The following NYAP2 variants were observed in gnomAD, a reference collection of about 807,000 sequenced individuals.
NYAP2 encodes neuronal tyrosine-phosphorylated phosphoinositide-3-kinase adapter 2.
NYAP2 carries 23 observed loss-of-function variants against 50.4 expected under a neutral mutation model. The observed-to-expected ratio is 0.46, with a 90% CI of 0.33 to 0.65. The LOEUF (loss-of-function observed/expected upper bound fraction) is 0.65, where lower values mean the gene tolerates loss of function less well. Ranked by LOEUF, NYAP2 falls within the 30% of genes least tolerant of loss-of-function variation. NYAP2 has a pLI of 0.02. For synonymous variants in NYAP2, 394 were observed against 365.2 expected (o/e 1.08, Z -0.90); for missense variants, 885 against 861.0 (o/e 1.03, Z -0.35).
intron 5 of NYAP2, among the ~76,000 whole-genome samples, chr2:225,583,682 G>A (rs890346267): frequency 2.0e-5 from 3 of 151,812 alleles, no homozygotes; most frequent in Non-Finnish European, 4.4e-5. Flanking sequence ...GGGAGGTGGG[G>A]GGCGGAATTA....
intron 3 of NYAP2, among the ~76,000 whole-genome samples, chr2:225,410,333 A>G (rs972147760): frequency 6.6e-6 from 1 of 152,054 alleles, no homozygotes; most frequent in African/African-American, 2.4e-5. Flanking sequence ...AAGTCAATTA[A>G]TTTGTTGTTG....
At chr2:225,590,021 G>A (rs1692469516) in intron 5 of NYAP2, among the ~76,000 whole-genome samples, 1 of 152,178 alleles carries the variant, frequency 6.6e-6, no homozygotes, top group Non-Finnish European at 1.5e-5. Flanking sequence ...GAATACAAAG[G>A]TATTTAGGAG....
At chr2:225,619,549 C>T (rs886211784) in intron 5 of NYAP2, among the ~76,000 whole-genome samples, 1 of 152,098 alleles carries the variant, frequency 6.6e-6, no homozygotes, top group Non-Finnish European at 1.5e-5. Flanking sequence ...TGTATGGGGT[C>T]AGACCTAGCG....
chr2:225,503,587 A>T (rs1409576455), intron 3 of NYAP2, among the ~76,000 whole-genome samples: 1 of 152,162 alleles, frequency 6.6e-6, no homozygotes, highest in Admixed American at 6.5e-5. Flanking sequence ...GGTTAAAAAA[A>T]TCTCTCTACT....
intron 3 of NYAP2, among the ~76,000 whole-genome samples, chr2:225,425,583 C>A (rs899793285): frequency 1.3e-5 from 2 of 152,154 alleles, no homozygotes; most frequent in Admixed American, 6.5e-5. Flanking sequence ...ATTAAAGAGG[C>A]CTTTCTATTG....
chr2:225,550,787 C>T (rs187946254), intron 4 of NYAP2, among the ~76,000 whole-genome samples: 13 of 152,186 alleles, frequency 8.5e-5, no homozygotes, highest in Admixed American at 3.9e-4. Flanking sequence ...AAATAAAGCC[C>T]ATCAGGGCCT....
intron 3 of NYAP2, among the ~76,000 whole-genome samples, chr2:225,437,290 A>C (rs1689394974): frequency 6.6e-6 from 1 of 152,166 alleles, no homozygotes; most frequent in South Asian, 2.1e-4. Flanking sequence ...AGGACTCAGT[A>C]TATGACAGTT....
chr2:225,530,412 G>A (rs776178613), intron 4 of NYAP2, among the ~76,000 whole-genome samples: 5 of 152,074 alleles, frequency 3.3e-5, no homozygotes, highest in African/African-American at 7.2e-5. Flanking sequence ...ATTGAATCTC[G>A]GTTCTCTTCT....
chr2:225,507,356 G>A (rs987380459), intron 3 of NYAP2, among the ~76,000 whole-genome samples: 4 of 152,060 alleles, frequency 2.6e-5, no homozygotes, highest in African/African-American at 4.8e-5. Flanking sequence ...TTTTGTCTTC[G>A]AAAGGAAGCA....
intron 3 of NYAP2, among the ~76,000 whole-genome samples, chr2:225,435,328 A>G (rs1689358537): frequency 6.6e-6 from 1 of 152,232 alleles, no homozygotes; most frequent in Non-Finnish European, 1.5e-5. Context: ...ATAAAGAGAT[A>G]AAAAATATAA....
the NYAP2 span, among the ~76,000 whole-genome samples, chr2:225,659,205 C>G: frequency 5.3e-5 from 8 of 152,310 alleles, no homozygotes; most frequent in Admixed American, 4.6e-4. Context: ...GTGTGTGTCC[C>G]TCTCTTCAGC....
exon 6 of NYAP2, chr2:225,627,046 C>T (rs773663517): frequency 1.3e-6 from 2 of 1,597,340 alleles, no homozygotes; most frequent in Non-Finnish European, 1.7e-6. Flanking sequence ...TGGGATGGAA[C>T]ACCAGGGACA....
intron 3 of NYAP2, among the ~76,000 whole-genome samples, chr2:225,458,255 G>A (rs1022591281): frequency 2.0e-5 from 3 of 152,186 alleles, no homozygotes; most frequent in African/African-American, 7.2e-5. Flanking sequence ...AGGAGGCTGA[G>A]GTGGGAGGAT....
intron 5 of NYAP2, among the ~76,000 whole-genome samples, chr2:225,610,362 T>C (rs1216849848): frequency 6.6e-6 from 1 of 152,104 alleles, no homozygotes; most frequent in Non-Finnish European, 1.5e-5. Flanking sequence ...TTCTCTCTTC[T>C]GGTAAGAACA....
At chr2:225,462,896 G>A (rs566353779) in intron 3 of NYAP2, among the ~76,000 whole-genome samples, 7 of 152,232 alleles carry the variant, frequency 4.6e-5, no homozygotes, top group Middle Eastern at 3.4e-3. Flanking sequence ...AATCTTAGCC[G>A]TGTCAATATT....
chr2:225,483,985 C>T (rs1466506849), intron 3 of NYAP2, among the ~76,000 whole-genome samples: 1 of 152,088 alleles, frequency 6.6e-6, no homozygotes, highest in Admixed American at 6.5e-5. Flanking sequence ...TCACACTTGC[C>T]AAGGTTGTGG....
chr2:225,635,291 G>T (rs949338622), intron 6 of NYAP2, among the ~76,000 whole-genome samples: 2 of 152,162 alleles, frequency 1.3e-5, no homozygotes, highest in Non-Finnish European at 1.5e-5. Flanking sequence ...AGTAAATCAT[G>T]CTTGGCAACA....
downstream of NYAP2, among the ~76,000 whole-genome samples, chr2:225,658,629 T>C (rs1465180678): frequency 6.6e-6 from 1 of 152,328 alleles, no homozygotes; most frequent in East Asian, 1.9e-4. Flanking sequence ...CATTATCTTA[T>C]GTGTGCTTTA....
intron 3 of NYAP2, among the ~76,000 whole-genome samples, chr2:225,505,867 T>C (rs995858720): frequency 1.3e-5 from 2 of 152,164 alleles, no homozygotes; most frequent in Non-Finnish European, 2.9e-5. Context: ...CTGGTCCCAC[T>C]TATTTTCATT....
Sources: allele counts gnomAD v4.1 joint callset (sites outside exome capture counted in the v4.1 genomes callset), GRCh38; gene constraint gnomAD v4.1.1; transcripts MANE v1.5; gene names NCBI Gene and HGNC (gene_info 2026-07-23, HGNC 2026-07-21).